Variants in HMGXB4 observed in about 807,000 individuals in gnomAD.
HMGXB4 encodes HMG domain-containing protein 4.
Under a neutral mutation model 63.9 loss-of-function variants are expected in HMGXB4, and 27 were observed. The observed-to-expected ratio is 0.42, with a 90% CI of 0.31 to 0.58. HMGXB4 has a LOEUF of 0.58. Ranked by LOEUF, HMGXB4 falls within the 20% of genes least tolerant of loss-of-function variation. The probability of loss-of-function intolerance (pLI) is 0.13; values close to 1 mark genes in which losing one functional copy is unlikely to be tolerated. For missense variants in HMGXB4, 624 were observed against 700.7 expected, an observed-to-expected ratio of 0.89 and a Z score of 1.24; for synonymous variants, 264 against 265.3, an observed-to-expected ratio of 0.99 and a Z score of 0.05.
chr22:35,253,623 G>C (rs201431814), upstream of HMGXB4, among the ~76,000 whole-genome samples: 3 of 152,102 alleles, frequency 2.0e-5, no homozygotes, highest in East Asian at 1.9e-4. Flanking sequence ...GCGCGTGTGT[G>C]TGTGTGTATG....
intron 5 of HMGXB4, among the ~76,000 whole-genome samples, chr22:35,278,877 CAAAAA>C (rs35984118): frequency 8.7e-4 from 94 of 108,394 alleles, no homozygotes; most frequent in East Asian, 1.6e-3. Flanking sequence ...TGCATCTCTA[CAAAAA>C]AAAAAAAAAA....
chr22:35,262,804 A>G, intron 2 of HMGXB4: 1 of 524,206 alleles, frequency 1.9e-6, no homozygotes, highest in Non-Finnish European at 3.4e-6. Context: ...GTGTCCTCCT[A>G]CCAAATCACA....
intron 9 of HMGXB4, among the ~76,000 whole-genome samples, chr22:35,292,210 A>G (rs1022548200): frequency 1.3e-5 from 2 of 152,190 alleles, no homozygotes; most frequent in East Asian, 3.8e-4. Flanking sequence ...CAAGTATATT[A>G]TATCTATTAT....
intron 7 of HMGXB4, among the ~76,000 whole-genome samples, chr22:35,286,548 C>A (rs559081603): frequency 6.6e-6 from 1 of 152,308 alleles, no homozygotes; most frequent in East Asian, 1.9e-4. Flanking sequence ...TAGTAAGACA[C>A]TGATAAACAG....
At chr22:35,288,151 TAA>T in intron 8 of HMGXB4, 85 bp from the exon 9 acceptor site, 1 of 1,194,962 alleles carries the variant, frequency 8.4e-7, no homozygotes, top group Non-Finnish European at 1.1e-6. Context: ...GTATAATTCA[TAA>T]AAAGGGAAAA....
At chr22:35,279,132 CTTTTTTTTTTTTT>C (rs551006065) in intron 5 of HMGXB4, among the ~76,000 whole-genome samples, 15 of 50,804 alleles carry the variant, frequency 3.0e-4, no homozygotes, top group Admixed American at 3.5e-4. Flanking sequence ...TATGGATTGT[CTTTTTTTTTTTTT>C]TTTTTTTTTT....
In HMGXB4 at chr22:35,264,813, A is replaced by G. The variant is rs752792684; in HGVS notation, c.425A>G (p.Glu142Gly). ...EKSSGSSSHS[E>G]SKKEHHRKKV... ...TCCTCTGGCTCTTCAAGCCATTCGGAGAGTAAAAAGGAGCACCACAGGAAG... is the reference window on the plus strand; with the variant it reads ...TCCTCTGGCTCTTCAAGCCATTCGGGGAGTAAAAAGGAGCACCACAGGAAG... Residue 142 changes from glutamate (E) to glycine (G), a missense_variant, in exon 5 of 11, where the codon GAG (glutamate) becomes GGG (glycine). Physicochemically the swap from Glu to Gly is moderately conservative, Grantham distance 98. Around this residue, in one of 2 missense-constraint regions of HMGXB4, gnomAD observed 472 missense variants for 470.6 expected, o/e 1.00. Coordinates refer to ENST00000216106, the MANE Select transcript of HMGXB4 (RefSeq NM_001003681.3). 1 of 1,614,150 alleles carries G rather than the reference A, an allele frequency of 6.2e-7. No homozygotes were observed. Among genetic ancestry groups the G allele is most frequent in the Non-Finnish European group, 8.5e-7 (1 of 1,180,028 alleles).
At chr22:35,285,637 G>A (rs930817692) in intron 6 of HMGXB4, among the ~76,000 whole-genome samples, 2 of 152,172 alleles carry the variant, frequency 1.3e-5, no homozygotes, top group Non-Finnish European at 2.9e-5. Flanking sequence ...GAGGTGAGAG[G>A]GTGGTTTGAG....
At chr22:35,262,854 C>T in intron 2 of HMGXB4, 1 of 574,030 alleles carries the variant, frequency 1.7e-6, no homozygotes, top group East Asian at 3.0e-5. Context: ...GGGGCCTTTG[C>T]ATAGCATGGA....
At position 35,263,814 on chromosome 22, in the gene HMGXB4, T is replaced by C; in HGVS notation, c.199T>C (p.Leu67=). ...ATTATAGGATAGTGAACTTTACTTC[T>C]TGGGGACGGACACACACAAGAAGAA... The part of the protein sequence containing the change: ...KKLKDSELYF[L]GTDTHKKKRK... Residue 67 remains leucine, a synonymous_variant, in exon 4 of 11, where the codon TTG becomes CTG. Transcript: ENST00000216106. 6.2e-7 allele frequency: 1 copy of C among 1,613,158 alleles called. No individual in the cohort carries two copies.
intron 9 of HMGXB4, among the ~76,000 whole-genome samples, chr22:35,288,798 C>T (rs1172725020): frequency 6.6e-6 from 1 of 152,132 alleles, no homozygotes; most frequent in Non-Finnish European, 1.5e-5. Flanking sequence ...GCCTGGTCAA[C>T]ACAGTGAGAC....
chr22:35,249,146 C>T, the HMGXB4 span, among the ~76,000 whole-genome samples: 1 of 151,730 alleles, frequency 6.6e-6, no homozygotes, highest in Non-Finnish European at 1.5e-5. Flanking sequence ...GCAACCTCTG[C>T]CTCCCGGATT....
chr22:35,263,940 A>G, intron 4 of HMGXB4, 66 bp downstream of exon 4: 3 of 1,596,140 alleles, frequency 1.9e-6, no homozygotes, highest in Non-Finnish European at 1.7e-6. Context: ...GGGGTAGGGG[A>G]AAGGGATCCA....
At chr22:35,242,969 T>A in the HMGXB4 span, among the ~76,000 whole-genome samples, 1 of 152,248 alleles carries the variant, frequency 6.6e-6, no homozygotes, top group African/African-American at 2.4e-5. Flanking sequence ...GATTCCATTT[T>A]TGTCTGTGAA....
chr22:35,292,266 G>A (rs1389057030), intron 9 of HMGXB4, among the ~76,000 whole-genome samples: 1 of 152,114 alleles, frequency 6.6e-6, no homozygotes, highest in African/African-American at 2.4e-5. Flanking sequence ...TACAGGCACA[G>A]CATAGTAAGC....
chr22:35,281,575 G>A (rs1351699234), intron 5 of HMGXB4, among the ~76,000 whole-genome samples: 3 of 152,126 alleles, frequency 2.0e-5, no homozygotes, highest in East Asian at 3.8e-4. Flanking sequence ...TTGAGAAAAC[G>A]TTGTTAAACA....
intron 8 of HMGXB4, 97 bp from the exon 9 acceptor site, chr22:35,288,141 G>T: frequency 9.4e-7 from 1 of 1,061,640 alleles, no homozygotes; most frequent in Non-Finnish European, 1.3e-6. Context: ...CTAATGCCTG[G>T]TATAATTCAT....
the HMGXB4 span, among the ~76,000 whole-genome samples, chr22:35,245,424 T>A: frequency 2.0e-5 from 3 of 151,916 alleles, no homozygotes; most frequent in Non-Finnish European, 4.4e-5. Context: ...ACAGCCCTCT[T>A]AAGAATTTTT....
chr22:35,293,041 T>C lies in HMGXB4; in HGVS notation c.1688T>C (p.Ile563Thr). 6.2e-7 allele frequency: 1 copy of C among 1,614,250 alleles called. No individual in the cohort carries two copies. The highest frequency in any genetic ancestry group is 1.1e-5 in the South Asian group (1 of 91,088). Residue 563 changes from isoleucine (I) to threonine (T), a missense_variant, in exon 10 of 11, where the codon ATC becomes ACC. This residue lies in a region of HMGXB4 where 152 missense variants were observed against 230.1 expected (regional missense o/e 0.66). Transcript: ENST00000216106. ...TTGTCAGTGCTTCTGGATTCCATTA[T>C]CTGTGCCCTTGGCCCCTTGGCATGT... ...GSLSVLLDSI[I>T]CALGPLACLT...
Sources: gnomAD v4.1 joint callset for allele counts (sites outside exome capture counted in the v4.1 genomes callset) on GRCh38, gnomAD v4.1.1 for gene constraint, gnomAD v4.1.1 regional missense constraint, MANE v1.5 for transcripts, NCBI Gene and HGNC (gene_info 2026-07-23, HGNC 2026-07-21) for gene names.